The following CDH22 variants were observed in gnomAD, a reference collection of about 807,000 sequenced individuals.
CDH22 encodes cadherin 22.
A neutral mutation model predicts 58.4 loss-of-function variants in CDH22; 30 were observed. The observed-to-expected ratio is 0.51, with a 90% CI of 0.38 to 0.70. CDH22 has a LOEUF of 0.70. CDH22 is among the 30% of genes least tolerant of loss of function. The pLI, the probability that CDH22 is intolerant of heterozygous loss-of-function variation, is 0.00. For missense variants in CDH22, 1,014 were observed against 1,233.9 expected, an observed-to-expected ratio of 0.82 and a Z score of 2.67; for synonymous variants, 513 against 558.2, an observed-to-expected ratio of 0.92 and a Z score of 1.14.
intron 10 of CDH22, among the ~76,000 whole-genome samples, chr20:46,186,202 C>CA (rs57944745): frequency 0.072 from 5,852 of 80,890 alleles, 230 homozygotes; most frequent in African/African-American, 0.14. Context: ...GACCCTGTCT[C>CA]AAAAAAAAAA....
chr20:46,221,039 C>T (rs895431672), intron 4 of CDH22, among the ~76,000 whole-genome samples: 3 of 152,098 alleles, frequency 2.0e-5, no homozygotes, highest in Non-Finnish European at 4.4e-5. Context: ...CTGTATGCTG[C>T]GGCCTGTCCT....
At chr20:46,304,514 T>C (rs2086665946) in intron 1 of CDH22, among the ~76,000 whole-genome samples, 1 of 152,208 alleles carries the variant, frequency 6.6e-6, no homozygotes, top group Admixed American at 6.5e-5. Context: ...ACGCGCTTAA[T>C]CATCTATTTA....
At chr20:46,223,708 T>G (rs2086147499) in intron 4 of CDH22, among the ~76,000 whole-genome samples, 1 of 47,278 alleles carries the variant, frequency 2.1e-5, no homozygotes. Context: ...TTTCTTTCTT[T>G]CTTTCTTTTT....
At chr20:46,298,630 T>G (rs1327708296) in intron 1 of CDH22, among the ~76,000 whole-genome samples, 1 of 151,516 alleles carries the variant, frequency 6.6e-6, no homozygotes, top group Non-Finnish European at 1.5e-5. Flanking sequence ...ATGGATGGAT[T>G]GATGAATGGG....
chr20:46,247,021 G>C (rs1033057634), intron 2 of CDH22, among the ~76,000 whole-genome samples: 1 of 133,580 alleles, frequency 7.5e-6, no homozygotes, highest in Non-Finnish European at 1.6e-5. Flanking sequence ...CTAGGGTTGG[G>C]GGGTGGGGTG....
At chr20:46,236,531 ATATT>A (rs959552525) in intron 3 of CDH22, among the ~76,000 whole-genome samples, 22 of 142,584 alleles carry the variant, frequency 1.5e-4, no homozygotes, top group African/African-American at 5.1e-4. Flanking sequence ...AATATATAAT[ATATT>A]TATATATAAA....
intron 2 of CDH22, among the ~76,000 whole-genome samples, chr20:46,244,065 G>T (rs1049708900): frequency 6.6e-6 from 1 of 152,208 alleles, no homozygotes; most frequent in African/African-American, 2.4e-5. Context: ...GGTGTGGGGA[G>T]GATTAGATGA....
chr20:46,193,627 C>T (rs2085877494), intron 8 of CDH22, among the ~76,000 whole-genome samples: 1 of 152,062 alleles, frequency 6.6e-6, no homozygotes, highest in African/African-American at 2.4e-5. Flanking sequence ...CTGTACAGGC[C>T]CAGTGAGCTT....
chr20:46,197,088 G>C (rs1036122228), intron 8 of CDH22, among the ~76,000 whole-genome samples: 2 of 152,102 alleles, frequency 1.3e-5, no homozygotes, highest in African/African-American at 4.8e-5. Context: ...GGCTCAGACA[G>C]CAGAGAGTGC....
In CDH22 at chr20:46,241,127, T is replaced by C. The variant is rs1568670441; in HGVS notation, c.386A>G (p.Gln129Arg). ...IHAMERLDREQKTFYTLRAQA... is the reference protein window; with the variant it reads ...IHAMERLDRERKTFYTLRAQA... ...GGCCCGCAGCGTGTAGAAGGTTTTC[T>C]GCTCGCGGTCCAGGCGCTCCATGGC... is the stretch of plus-strand genomic sequence containing the variant. Residue 129 changes from glutamine (Q) to arginine (R), a missense_variant, in exon 3 of 12, where the codon CAG becomes CGG. This residue lies in a region of CDH22 where 806 missense variants were observed against 1,038.7 expected (regional missense o/e 0.78). Coordinates refer to ENST00000537909, the MANE Select transcript of CDH22 (RefSeq NM_021248.3). This position sits in a 1 kb window ranked among gnomAD's most constrained non-coding sequence, Gnocchi z 5.2. The C allele has an allele frequency of 1.2e-6, 2 of 1,614,070 alleles. No individual in the cohort carries two copies. The highest frequency in any genetic ancestry group is 1.7e-6 in the Non-Finnish European group (2 of 1,179,990).
intron 2 of CDH22, among the ~76,000 whole-genome samples, chr20:46,245,505 C>T (rs923630150): frequency 6.6e-6 from 1 of 152,138 alleles, no homozygotes; most frequent in Non-Finnish European, 1.5e-5. Context: ...ACAATGCCTG[C>T]AGAGAAAATA....
intron 10 of CDH22, among the ~76,000 whole-genome samples, chr20:46,181,051 C>G (rs377143284): frequency 1.3e-5 from 2 of 151,912 alleles, no homozygotes; most frequent in Non-Finnish European, 1.5e-5. Context: ...GGTGGCATTA[C>G]AGGCATAAGC....
chr20:46,280,361 A>T (rs1472558425), intron 1 of CDH22, among the ~76,000 whole-genome samples: 1 of 152,186 alleles, frequency 6.6e-6, no homozygotes, highest in East Asian at 1.9e-4. Flanking sequence ...TGGAGGTTGC[A>T]GTGAGCTGAG....
At chr20:46,186,177 T>A (rs2085823543) in intron 10 of CDH22, among the ~76,000 whole-genome samples, 1 of 140,834 alleles carries the variant, frequency 7.1e-6, no homozygotes. Context: ...CACTCCAGCC[T>A]GGCTGACAGA....
chr20:46,223,690 TTTC>T (rs2086145846), intron 4 of CDH22, among the ~76,000 whole-genome samples: 1 of 72,914 alleles, frequency 1.4e-5, no homozygotes, highest in African/African-American at 5.5e-5. Flanking sequence ...TCTTTCTTTC[TTTC>T]TTTCTTTCTT....
intron 1 of CDH22, among the ~76,000 whole-genome samples, chr20:46,255,610 G>A (rs1425546470): frequency 6.6e-6 from 1 of 152,140 alleles, no homozygotes; most frequent in African/African-American, 2.4e-5. Flanking sequence ...TCAGCCTACA[G>A]GTCCTCCCTC....
chr20:46,178,581 G>A (rs911915746), intron 10 of CDH22, among the ~76,000 whole-genome samples: 5 of 100,380 alleles, frequency 5.0e-5, no homozygotes, highest in African/African-American at 1.6e-4. Flanking sequence ...TGTCCCTGGC[G>A]TTGTCTTTTT....
rs2085829460 is a variant in CDH22, at chr20:46,186,832, T to C, written c.1539A>G (p.Pro513=). 3 of 1,603,192 alleles carry C rather than the reference T, an allele frequency of 1.9e-6. No homozygotes were observed. The highest frequency in any genetic ancestry group is 2.6e-6 in the Non-Finnish European group (3 of 1,174,066). Reference sequence around the variant, plus strand: ...CCCACCCCCTCAGGGGTACCTGGCCTGGCTTGGCATCCTCGCATACAGCTG... The same window carrying C: ...CCCACCCCCTCAGGGGTACCTGGCCCGGCTTGGCATCCTCGCATACAGCTG... The part of the protein sequence containing the change: ...YEAAVCEDAK[P]GQLIQTISVV... Residue 513 remains proline (P), a synonymous_variant, in exon 9 of 12, where the codon CCA becomes CCG. Coordinates refer to ENST00000537909, the MANE Select transcript of CDH22 (RefSeq NM_021248.3).
chr20:46,269,553 G>A (rs1000038775), intron 1 of CDH22, among the ~76,000 whole-genome samples: 1 of 152,228 alleles, frequency 6.6e-6, no homozygotes, highest in Non-Finnish European at 1.5e-5. Flanking sequence ...GAGACAAAGT[G>A]CAGAGAAGTG....
Sources: gnomAD v4.1 joint callset for allele counts (sites outside exome capture counted in the v4.1 genomes callset) on GRCh38, gnomAD v4.1.1 for gene constraint, gnomAD v4.1.1 regional missense constraint, Gnocchi (gnomAD v3.1) non-coding constraint, MANE v1.5 for transcripts, NCBI Gene and HGNC (gene_info 2026-07-23, HGNC 2026-07-21) for gene names.